Variants in NKAIN2 observed in about 807,000 individuals in gnomAD.
The protein encoded by NKAIN2 is sodium/potassium-transporting ATPase subunit beta-1-interacting protein 2.
In NKAIN2, 14 loss-of-function variants were observed where a neutral mutation model predicts 32.6. The ratio of observed to expected loss-of-function variants is 0.43; its 90% CI spans 0.28 to 0.67. The LOEUF is 0.67. Among genes scored for constraint, NKAIN2 ranks in the 30% least tolerant of loss-of-function variants. The pLI is 0.17. For missense variants in NKAIN2, 198 were observed against 258.3 expected (o/e 0.77, Z 1.60); for synonymous variants, 80 against 87.2 (o/e 0.92, Z 0.46).
intron 3 of NKAIN2, among the ~76,000 whole-genome samples, chr6:124,591,554 A>T (rs1358709829): frequency 6.6e-6 from 1 of 152,000 alleles, no homozygotes; most frequent in Non-Finnish European, 1.5e-5. Context: ...AATACTTGCC[A>T]CTGTCCACTG....
At position 124,596,467 on chromosome 6, in the gene NKAIN2, C is replaced by T. The variant is rs985810718; in HGVS notation, c.274-61719C>T. Among the ~76,000 whole-genome samples the T allele has an allele frequency of 7.2e-5, 11 of 152,134 alleles. No homozygotes were observed. In the East Asian group the frequency reaches 2.1e-3, roughly 29 times the overall value. On this transcript the variant is annotated intron_variant, in intron 3 of 6. Transcript: ENST00000368417. ...GTGCTTAGGAAGGTTGCATGAATTA[C>T]CCCAGCAGCAGAATAGCTTGAGATC...
chr6:124,367,700 G>A (rs1359731901), intron 3 of NKAIN2, among the ~76,000 whole-genome samples: 1 of 152,022 alleles, frequency 6.6e-6, no homozygotes, highest in East Asian at 1.9e-4. Context: ...CTTCGACATA[G>A]GGCACAAGGT....
At chr6:124,377,086 A>G (rs1000536715) in intron 3 of NKAIN2, among the ~76,000 whole-genome samples, 1 of 152,206 alleles carries the variant, frequency 6.6e-6, no homozygotes, top group Non-Finnish European at 1.5e-5. Context: ...GCTTTAGCAA[A>G]GACTTTAATA....
chr6:124,421,681 A>G (rs763366888), intron 3 of NKAIN2, among the ~76,000 whole-genome samples: 7 of 152,274 alleles, frequency 4.6e-5, no homozygotes, highest in Non-Finnish European at 8.8e-5. Context: ...GTGAGTTCAC[A>G]ATAAGGGTAG....
intron 3 of NKAIN2, among the ~76,000 whole-genome samples, chr6:124,372,273 C>T (rs1799802638): frequency 6.6e-6 from 1 of 152,144 alleles, no homozygotes; most frequent in South Asian, 2.1e-4. Context: ...AAGTTACATT[C>T]TCCCAGCGTG....
intron 1 of NKAIN2, among the ~76,000 whole-genome samples, chr6:123,914,214 CGAGA>C (rs35122780): frequency 2.0e-5 from 3 of 150,008 alleles, no homozygotes; most frequent in Admixed American, 2.0e-4. Context: ...TTGTGTATGA[CGAGA>C]GAGAGAGAGA....
At chr6:124,799,570 T>C (rs1780162996) in intron 5 of NKAIN2, among the ~76,000 whole-genome samples, 1 of 152,172 alleles carries the variant, frequency 6.6e-6, no homozygotes, top group Non-Finnish European at 1.5e-5. Flanking sequence ...CTCTGTTAAT[T>C]AAGAACAATC....
chr6:123,877,126 G>C (rs889878222), intron 1 of NKAIN2, among the ~76,000 whole-genome samples: 4 of 151,998 alleles, frequency 2.6e-5, no homozygotes, highest in African/African-American at 4.8e-5. Flanking sequence ...GATTTTATTA[G>C]AAATCTATCT....
intron 1 of NKAIN2, among the ~76,000 whole-genome samples, chr6:124,102,268 TG>T (rs1331331972): frequency 6.6e-6 from 1 of 152,188 alleles, no homozygotes; most frequent in Admixed American, 6.5e-5. Context: ...CTTGATCTGA[TG>T]GCCGTAAAAA....
At chr6:124,425,619 C>T (rs1774948844) in intron 3 of NKAIN2, among the ~76,000 whole-genome samples, 1 of 151,904 alleles carries the variant, frequency 6.6e-6, no homozygotes, top group South Asian at 2.1e-4. Flanking sequence ...AAATAATAGC[C>T]TAATTTAAAA....
intron 1 of NKAIN2, among the ~76,000 whole-genome samples, chr6:124,050,219 A>G (rs17086545): frequency 0.25 from 37,311 of 151,872 alleles, 6,036 homozygotes; most frequent in African/African-American, 0.46. Context: ...TTATAGTTTT[A>G]TAGGGCACTC....
chr6:124,807,995 G>T (rs1281416896), intron 5 of NKAIN2, among the ~76,000 whole-genome samples: 1 of 148,492 alleles, frequency 6.7e-6, no homozygotes, highest in Non-Finnish European at 1.5e-5. Flanking sequence ...ATAATCAATA[G>T]CTTACCAACC....
chr6:124,461,755 T>G (rs1427435943), intron 3 of NKAIN2, among the ~76,000 whole-genome samples: 1 of 151,854 alleles, frequency 6.6e-6, no homozygotes, highest in Non-Finnish European at 1.5e-5. Flanking sequence ...CTCTAAAATA[T>G]TTTACCAGTA....
chr6:124,293,403 T>C (rs184431339), intron 2 of NKAIN2, among the ~76,000 whole-genome samples: 40 of 152,188 alleles, frequency 2.6e-4, no homozygotes, highest in Admixed American at 9.8e-4. Context: ...TTTATAGCTT[T>C]TTACTTGTAA....
At chr6:124,699,480 G>T (rs1346790651) in intron 4 of NKAIN2, among the ~76,000 whole-genome samples, 2 of 152,184 alleles carry the variant, frequency 1.3e-5, no homozygotes, top group Non-Finnish European at 2.9e-5. Flanking sequence ...AATCCCCAGT[G>T]TTGGAGGTGG....
intron 1 of NKAIN2, among the ~76,000 whole-genome samples, chr6:124,124,533 C>T (rs1050348535): frequency 6.6e-6 from 1 of 152,038 alleles, no homozygotes; most frequent in African/African-American, 2.4e-5. Context: ...TAATTCTTTG[C>T]ACAATAGAAG....
intron 4 of NKAIN2, among the ~76,000 whole-genome samples, chr6:124,746,126 G>A (rs984365473): frequency 3.3e-5 from 5 of 151,882 alleles, no homozygotes. Flanking sequence ...TGCTTTTGAT[G>A]ACAGGTCTGT....
rs1781108848 is a variant in NKAIN2 at position 124,815,258 on chromosome 6, ATATG to A, written c.536-3127_536-3124del. ...TATATATATGTATATATGTATATAT[ATATG>A]TGTATATATATGTATATATGTATAT... On this transcript the variant is annotated intron_variant, in intron 5 of 6. Transcript: ENST00000368417. Among the ~76,000 whole-genome samples, 6 of 143,840 alleles carry A rather than the reference ATATG, an allele frequency of 4.2e-5. No individual in the cohort carries two copies. In the Admixed American group the frequency reaches 4.2e-4, roughly 10 times the overall value. 94.4% of individuals were successfully genotyped at this position (143,840 alleles called of 152,430 possible). A position where few individuals can be genotyped will look rare whatever the true frequency, so the allele number is the denominator to read the frequency against.
chr6:124,287,374 C>T (rs894011988), intron 2 of NKAIN2, among the ~76,000 whole-genome samples: 2 of 152,118 alleles, frequency 1.3e-5, no homozygotes, highest in Non-Finnish European at 2.9e-5. Context: ...TTCTTCAAAC[C>T]ATTGAGCTTG....
Sources: gnomAD v4.1 joint callset for allele counts (sites outside exome capture counted in the v4.1 genomes callset) on GRCh38, gnomAD v4.1.1 for gene constraint, MANE v1.5 for transcripts, NCBI Gene and HGNC (gene_info 2026-07-23, HGNC 2026-07-21) for gene names.